Variants in STAC observed in about 807,000 individuals in gnomAD.
STAC encodes the protein SH3 and cysteine-rich domain-containing protein.
STAC carries 43 observed loss-of-function variants against 48.8 expected under a neutral mutation model. That is an observed-to-expected ratio of 0.88 (90% CI 0.69 to 1.14). The LOEUF (loss-of-function observed/expected upper bound fraction) is 1.14, where lower values mean the gene tolerates loss of function less well. Ranked by LOEUF, STAC falls within the 50% of genes most tolerant of loss-of-function variation. STAC has a pLI of 0.00. For missense variants in STAC, 497 were observed against 504.0 expected, an observed-to-expected ratio of 0.99 and a Z score of 0.13; for synonymous variants, 193 against 179.5, an observed-to-expected ratio of 1.07 and a Z score of -0.60.
intron 2 of STAC, among the ~76,000 whole-genome samples, chr3:36,444,481 G>C (rs1240401095): frequency 6.6e-6 from 1 of 152,146 alleles, no homozygotes; most frequent in East Asian, 1.9e-4. Flanking sequence ...CTCTCTCCTT[G>C]AACCAGTGGG....
chr3:36,422,233 T>A (rs1273758787), intron 1 of STAC, among the ~76,000 whole-genome samples: 2 of 152,180 alleles, frequency 1.3e-5, no homozygotes, highest in African/African-American at 4.8e-5. Flanking sequence ...AGAGTCATGT[T>A]ATTCTTGATC....
intron 8 of STAC, among the ~76,000 whole-genome samples, chr3:36,514,178 CTCTCTGATCCA>C (rs1256484526): frequency 6.8e-6 from 1 of 146,802 alleles, no homozygotes; most frequent in Admixed American, 6.9e-5. Flanking sequence ...CCATGGTGAC[CTCTCTGATCCA>C]TCTACACTGG....
At chr3:36,444,122 G>T (rs925107196) in intron 2 of STAC, among the ~76,000 whole-genome samples, 2 of 152,198 alleles carry the variant, frequency 1.3e-5, no homozygotes, top group African/African-American at 2.4e-5. Context: ...TAAGGGGTAG[G>T]ATATTCAAAA....
At chr3:36,417,343 T>G (rs912140564) in intron 1 of STAC, among the ~76,000 whole-genome samples, 2 of 152,190 alleles carry the variant, frequency 1.3e-5, no homozygotes, top group African/African-American at 4.8e-5. Context: ...TTCAACCTTC[T>G]TCCTGTCTAT....
At chr3:36,458,545 G>C (rs1380756419) in intron 2 of STAC, among the ~76,000 whole-genome samples, 1 of 152,162 alleles carries the variant, frequency 6.6e-6, no homozygotes, top group Non-Finnish European at 1.5e-5. Flanking sequence ...AGACCATGAG[G>C]CTGGAGATTA....
chr3:36,419,317 G>A (rs116349394), intron 1 of STAC, among the ~76,000 whole-genome samples: 3,533 of 152,168 alleles, frequency 0.023, 59 homozygotes, highest in East Asian at 0.026. Flanking sequence ...CTTTGAAACT[G>A]CATTGTAAAT....
At chr3:36,509,525 A>G (rs1217979692) in intron 8 of STAC, among the ~76,000 whole-genome samples, 1 of 152,080 alleles carries the variant, frequency 6.6e-6, no homozygotes, top group African/African-American at 2.4e-5. Context: ...TCTCCCCATC[A>G]CTTTCAGGTA....
At chr3:36,439,849 C>T (rs890784689) in intron 1 of STAC, among the ~76,000 whole-genome samples, 1 of 152,162 alleles carries the variant, frequency 6.6e-6, no homozygotes, top group African/African-American at 2.4e-5. Flanking sequence ...GCTATGCTCC[C>T]AAGGACACAG....
chr3:36,437,777 T>C (rs78365105), intron 1 of STAC, among the ~76,000 whole-genome samples: 26,469 of 149,924 alleles, frequency 0.18, 2,929 homozygotes, highest in Non-Finnish European at 0.23. Context: ...TAAGGTATAA[T>C]AATAATACAA....
At chr3:36,446,258 C>T (rs759696432) in intron 2 of STAC, among the ~76,000 whole-genome samples, 1 of 152,206 alleles carries the variant, frequency 6.6e-6, no homozygotes, top group Non-Finnish European at 1.5e-5. Context: ...ACTTTGGTCA[C>T]CTAAGCAAGC....
At chr3:36,398,312 A>AAAGCAAGC in intron 1 of STAC, among the ~76,000 whole-genome samples, 1 of 105,944 alleles carries the variant, frequency 9.4e-6, no homozygotes, top group Admixed American at 9.8e-5. Flanking sequence ...AGAAAGAAAG[A>AAAGCAAGC]AAGAAAGCAA....
rs1446966204 is a variant in STAC, at chr3:36,443,257, G to C, written c.112-107G>C. 4 of 1,313,404 alleles carry C rather than the reference G, an allele frequency of 3.0e-6. No homozygotes were observed. The African/African-American group carries it at 5.8e-5, about 19-fold the overall frequency. The allele number at this position is 1,313,404 out of a possible 1,614,324, so 81.4% of individuals were successfully genotyped here. A position where few individuals can be genotyped will look rare whatever the true frequency, so the allele number is the denominator to read the frequency against. On this transcript the variant is annotated intron_variant, in intron 1 of 10. Transcript: ENST00000273183. The surrounding 1 kb of genome is among the most constrained non-coding windows in gnomAD (Gnocchi z 4.2). ...CATTTATGAGCCTCCTCAAGACGGA[G>C]GGTGTCAGTGGGGACTGTGTAGTGC...
chr3:36,472,876 C>T (rs1697378354), intron 2 of STAC, among the ~76,000 whole-genome samples: 2 of 152,246 alleles, frequency 1.3e-5, no homozygotes, highest in Admixed American at 6.5e-5. Context: ...CTGTTCCAGC[C>T]TCTGCCTATT....
intron 2 of STAC, among the ~76,000 whole-genome samples, chr3:36,456,874 A>G (rs999518591): frequency 6.6e-6 from 1 of 152,144 alleles, no homozygotes; most frequent in Admixed American, 6.6e-5. Flanking sequence ...AGTACATTTC[A>G]TACAAACTCT....
chr3:36,523,933 T>C (rs543375491), intron 8 of STAC, among the ~76,000 whole-genome samples: 1 of 152,046 alleles, frequency 6.6e-6, no homozygotes, highest in African/African-American at 2.4e-5. Context: ...AAACTCACAG[T>C]TGAGAGTGAA....
At chr3:36,508,664 T>C (rs1379104247) in intron 8 of STAC, among the ~76,000 whole-genome samples, 1 of 152,186 alleles carries the variant, frequency 6.6e-6, no homozygotes, top group East Asian at 1.9e-4. Flanking sequence ...CCCTTTACCA[T>C]TATGTAATGG....
chr3:36,448,419 G>A (rs1344490266), intron 2 of STAC, among the ~76,000 whole-genome samples: 2 of 151,792 alleles, frequency 1.3e-5, no homozygotes, highest in Admixed American at 6.6e-5. Context: ...ACGGGGTTTC[G>A]CATGTTGGCC....
chr3:36,468,156 C>T (rs916669693), intron 2 of STAC, among the ~76,000 whole-genome samples: 3 of 151,974 alleles, frequency 2.0e-5, no homozygotes, highest in Non-Finnish European at 4.4e-5. Context: ...TGCATGGTTT[C>T]AAGGGTTCCT....
At chr3:36,540,238 T>C (rs554909435) in intron 10 of STAC, among the ~76,000 whole-genome samples, 53 of 152,302 alleles carry the variant, frequency 3.5e-4, no homozygotes, top group Non-Finnish European at 6.8e-4. Context: ...AATGCAGCCC[T>C]GCCAGCACCT....
Sources: gnomAD v4.1 joint callset for allele counts (sites outside exome capture counted in the v4.1 genomes callset) on GRCh38, gnomAD v4.1.1 for gene constraint, Gnocchi (gnomAD v3.1) non-coding constraint, MANE v1.5 for transcripts, NCBI Gene and HGNC (gene_info 2026-07-23, HGNC 2026-07-21) for gene names.